Variants in UBE2V1 observed in about 807,000 individuals in gnomAD.
UBE2V1 encodes the protein ubiquitin conjugating enzyme E2 V1.
In UBE2V1, 15 loss-of-function variants were observed where a neutral mutation model predicts 19.6. The observed-to-expected ratio is 0.77, with a 90% CI of 0.51 to 1.18. The LOEUF (loss-of-function observed/expected upper bound fraction) is 1.18, where lower values mean the gene tolerates loss of function less well. Ranked by LOEUF, UBE2V1 falls within the 50% of genes most tolerant of loss-of-function variation. The pLI is 0.00. For synonymous variants in UBE2V1, 60 were observed against 60.7 expected (o/e 0.99, Z 0.05); for missense variants, 125 against 184.8 (o/e 0.68, Z 1.88).
intron 3 of UBE2V1, 85 bp downstream of exon 3, chr20:50,084,044 T>C (rs755005334): frequency 5.0e-5 from 76 of 1,509,756 alleles, no homozygotes; most frequent in East Asian, 3.6e-4. Context: ...AACCTAGGAA[T>C]TGGGCCCAGT....
At chr20:50,096,403 G>T in intron 2 of UBE2V1, 1 of 675,530 alleles carries the variant, frequency 1.5e-6, no homozygotes, top group East Asian at 3.9e-5. Context: ...AACGACATCT[G>T]ATGGTGCAAT....
chr20:50,105,975 G>C (rs999569753), intron 1 of UBE2V1, among the ~76,000 whole-genome samples: 9 of 151,764 alleles, frequency 5.9e-5, no homozygotes, highest in Non-Finnish European at 8.8e-5. Flanking sequence ...CAAACAAAAG[G>C]ACTCTTATAA....
intron 1 of UBE2V1, among the ~76,000 whole-genome samples, chr20:50,103,978 C>T (rs530766677): frequency 1.5e-4 from 23 of 149,368 alleles, no homozygotes; most frequent in Non-Finnish European, 2.9e-4. Flanking sequence ...TAAATGTTTG[C>T]TGGTTGAAGA....
At chr20:50,104,696 T>C (rs1053362479) in intron 1 of UBE2V1, among the ~76,000 whole-genome samples, 1 of 151,504 alleles carries the variant, frequency 6.6e-6, no homozygotes, top group African/African-American at 2.4e-5. Context: ...CCTAAGGTTT[T>C]TTATTTTGAG....
intron 1 of UBE2V1, among the ~76,000 whole-genome samples, chr20:50,110,621 A>T (rs1489705960): frequency 6.6e-6 from 1 of 152,216 alleles, no homozygotes; most frequent in African/African-American, 2.4e-5. Flanking sequence ...TTCACTGCCT[A>T]GGGACGAAGG....
chr20:50,114,266 C>T (rs1183229305), upstream of UBE2V1, among the ~76,000 whole-genome samples: 1 of 152,124 alleles, frequency 6.6e-6, no homozygotes, highest in African/African-American at 2.4e-5. Context: ...CATAGAGGGA[C>T]AAGGAAGCTG....
chr20:50,104,111 G>A (rs1413715180), intron 1 of UBE2V1, among the ~76,000 whole-genome samples: 1 of 147,486 alleles, frequency 6.8e-6, no homozygotes, highest in African/African-American at 2.6e-5. Flanking sequence ...GTGAAACCCT[G>A]TCTCTACTAA....
intron 1 of UBE2V1, among the ~76,000 whole-genome samples, chr20:50,107,835 G>A (rs1001800273): frequency 2.6e-5 from 4 of 152,182 alleles, no homozygotes; most frequent in South Asian, 4.1e-4. Context: ...AATATGCAAC[G>A]AAACAACACT....
rs2079561260 is a variant in UBE2V1 at position 50,095,404 on chromosome 20, G to GTA, written c.171+1267_171+1268insTA. On this transcript the variant is annotated intron_variant, in intron 2 of 3. Coordinates refer to ENST00000371674, the MANE Select transcript of UBE2V1 (RefSeq NM_001032288.3). ...AATTCTGGTTTTCACAGGAAAAAAA[G>GTA]GATAAAGAAATGAGTAAAAACAGAT... 4 of 152,258 alleles carry GTA rather than the reference G, an allele frequency of 2.6e-5. No individual in the cohort carries two copies. In the Middle Eastern group the frequency reaches 0.01, roughly 388 times the overall value. The allele number at this position is 152,258 out of a possible 1,614,324, so 9.4% of individuals were successfully genotyped here. A position where few individuals can be genotyped will look rare whatever the true frequency, so the allele number is the denominator to read the frequency against.
chr20:50,113,068 A>G (rs2080875010), intron 1 of UBE2V1, 39 bp downstream of exon 1: 3 of 949,684 alleles, frequency 3.2e-6, no homozygotes, highest in Non-Finnish European at 4.3e-6. Context: ...GCCCAAGCCC[A>G]TGCCCCCTCG....
intron 2 of UBE2V1, among the ~76,000 whole-genome samples, chr20:50,089,715 G>A (rs958752572): frequency 2.0e-5 from 3 of 152,164 alleles, no homozygotes; most frequent in Non-Finnish European, 2.9e-5. Flanking sequence ...ATCTTTCTGA[G>A]TGAGCACGGG....
chr20:50,113,123 T>C lies in UBE2V1; in HGVS notation c.6A>G (p.Ala2=), dbSNP rs1367807550. The C allele has an allele frequency of 7.3e-7, 1 of 1,370,000 alleles. No individual in the cohort carries two copies. Among genetic ancestry groups the C allele is most frequent in the East Asian group, 2.9e-5 (1 of 34,022 alleles). 84.9% of individuals were successfully genotyped at this position (1,370,000 alleles called of 1,614,324 possible). A position where few individuals can be genotyped will look rare whatever the true frequency, so the allele number is the denominator to read the frequency against. The change falls in exon 1 of 4, where the codon GCA becomes GCG. Residue 2 remains alanine, a synonymous_variant. Coordinates refer to ENST00000371674, the MANE Select transcript of UBE2V1 (RefSeq NM_001032288.3). M[A]ATTGSGVKVP... ...CCCGCTCACCCGAGCCCGTGGTGGC[T>C]GCCATCTTGCGTCGCTCTTGCTTGA...
At chr20:50,113,205 GC>G (rs750965409), upstream of UBE2V1, 1,141 of 1,179,076 alleles carry the variant, frequency 9.7e-4, 3 homozygotes, top group Non-Finnish European at 1.2e-3. Context: ...ATGCGCAGGC[GC>G]GCGCGCACGC....
At chr20:50,094,007 A>AAAAAAT (rs1479551802) in intron 2 of UBE2V1, among the ~76,000 whole-genome samples, 1 of 121,772 alleles carries the variant, frequency 8.2e-6, no homozygotes, top group Non-Finnish European at 1.6e-5. Context: ...AAAAAAAAAA[A>AAAAAAT]AAAAATAATA....
chr20:50,097,673 C>A (rs907947511), intron 1 of UBE2V1, among the ~76,000 whole-genome samples: 1 of 152,188 alleles, frequency 6.6e-6, no homozygotes, highest in African/African-American at 2.4e-5. Flanking sequence ...ACTGTCTCTC[C>A]TTCCTCCATT....
chr20:50,113,012 G>A (rs886758652), intron 1 of UBE2V1, 95 bp downstream of exon 1: 1 of 506,338 alleles, frequency 2.0e-6, no homozygotes, highest in Non-Finnish European at 3.1e-6. Flanking sequence ...GGCGGCGCGG[G>A]GACCCTGGCT....
At chr20:50,107,442 T>C (rs1347812454) in intron 1 of UBE2V1, among the ~76,000 whole-genome samples, 2 of 152,190 alleles carry the variant, frequency 1.3e-5, no homozygotes, top group African/African-American at 4.8e-5. Context: ...GTTCTGCTGC[T>C]AGGGTCAGTG....
At chr20:50,115,415 C>T, upstream of UBE2V1, 1 of 1,418,960 alleles carries the variant, frequency 7.0e-7, no homozygotes, top group South Asian at 1.6e-5. Flanking sequence ...AAAATACTTG[C>T]CCTGGACTTG....
At chr20:50,108,661 A>G (rs576511992) in intron 1 of UBE2V1, among the ~76,000 whole-genome samples, 1 of 152,346 alleles carries the variant, frequency 6.6e-6, no homozygotes, top group East Asian at 1.9e-4. Context: ...TAAACCCAAG[A>G]GTGCAACTTA....
Sources: allele counts gnomAD v4.1 joint callset (sites outside exome capture counted in the v4.1 genomes callset), GRCh38; gene constraint gnomAD v4.1.1; transcripts MANE v1.5; gene names NCBI Gene and HGNC (gene_info 2026-07-23, HGNC 2026-07-21).